The following TDO2 variants were observed in gnomAD, a reference collection of about 807,000 sequenced individuals.
TDO2 encodes tryptamin 2,3-dioxygenase.
TDO2 carries 63 observed loss-of-function variants against 61.2 expected under a neutral mutation model. That is an observed-to-expected ratio of 1.03 (90% confidence interval 0.84 to 1.27). The LOEUF (loss-of-function observed/expected upper bound fraction) is 1.27, where lower values mean the gene tolerates loss of function less well. TDO2 is among the 50% of genes most tolerant of loss of function. TDO2 has a pLI of 0.00. For missense variants in TDO2, 494 were observed against 469.5 expected, an observed-to-expected ratio of 1.05 and a Z score of -0.48; for synonymous variants, 183 against 164.0, an observed-to-expected ratio of 1.12 and a Z score of -0.89.
At chr4:155,907,910 A>G in intron 4 of TDO2, 118 bp downstream of exon 4, 1 of 695,556 alleles carries the variant, frequency 1.4e-6, no homozygotes, top group Non-Finnish European at 2.4e-6. Flanking sequence ...ATGATAGAAC[A>G]AACAGACATT....
At chr4:155,915,108 A>T (rs561164812) in intron 8 of TDO2, among the ~76,000 whole-genome samples, 2 of 152,238 alleles carry the variant, frequency 1.3e-5, no homozygotes. Flanking sequence ...ATTAGTACTG[A>T]GCTGTTAGTT....
chr4:155,904,060 CA>C lies in TDO2; in HGVS notation c.81del (p.Lys27AsnfsTer6). On this transcript the variant is annotated frameshift_variant, in exon 2 of 12. Transcript: ENST00000536354. LOFTEE classifies it high-confidence loss of function. ...TCCCCGTAGAAGGCAGCGAAGAAGACAAATCACAAACTGGTGTGAATAGAGC... is the reference window on the plus strand; with the variant it reads ...TCCCCGTAGAAGGCAGCGAAGAAGACAATCACAAACTGGTGTGAATAGAGC... ...KLPVEGSEEDKSQTGVNRASK... is the reference protein window; with the variant it reads ...KLPVEGSEEDXSQTGVNRASK... 1 of 1,614,026 alleles carries C rather than the reference CA, an allele frequency of 6.2e-7. No individual in the cohort carries two copies. Among genetic ancestry groups the C allele is most frequent in the Non-Finnish European group, 8.5e-7 (1 of 1,179,974 alleles).
intron 4 of TDO2, among the ~76,000 whole-genome samples, chr4:155,907,994 T>C (rs1742751420): frequency 6.6e-6 from 1 of 152,232 alleles, no homozygotes; most frequent in South Asian, 2.1e-4. Context: ...TAAGGTTCCT[T>C]TCAAATTTCA....
At chr4:155,917,209 G>T (rs1742956461) in intron 9 of TDO2, among the ~76,000 whole-genome samples, 186 bp from the exon 10 acceptor site, 5 of 152,134 alleles carry the variant, frequency 3.3e-5, no homozygotes, top group Admixed American at 3.3e-4. Context: ...ACTGCAAGTT[G>T]AGTAGTATTA....
chr4:155,910,291 CGT>C (rs1742807219), intron 6 of TDO2, 80 bp downstream of exon 6: 6 of 1,118,598 alleles, frequency 5.4e-6, no homozygotes, highest in East Asian at 2.9e-5. Context: ...ATTTTAAAAA[CGT>C]ATATCGAAAC....
intron 9 of TDO2, 143 bp downstream of exon 9, chr4:155,916,055 G>A (rs963887917): frequency 1.4e-5 from 9 of 625,018 alleles, no homozygotes; most frequent in Non-Finnish European, 2.3e-5. Context: ...AATTAGTAAT[G>A]AAGTTTTATG....
At chr4:155,909,084 A>T in intron 5 of TDO2, 70 bp downstream of exon 5, 1 of 1,464,482 alleles carries the variant, frequency 6.8e-7, no homozygotes, top group Non-Finnish European at 9.1e-7. Flanking sequence ...TAAAAGCAGC[A>T]TGTGTGTGTT....
chr4:155,917,495 C>G (rs1742964673), intron 10 of TDO2, 21 bp downstream of exon 10: 2 of 1,585,718 alleles, frequency 1.3e-6, no homozygotes, highest in Non-Finnish European at 1.7e-6. Context: ...CCCACTCACC[C>G]CATGTTGCTT....
intron 8 of TDO2, among the ~76,000 whole-genome samples, chr4:155,915,511 A>G (rs909597962): frequency 5.3e-5 from 8 of 152,308 alleles, no homozygotes; most frequent in Middle Eastern, 3.4e-3. Context: ...ACACATCACT[A>G]CTTTTTTGAA....
Position 155,920,066 on chromosome 4 carries a change from G to A in TDO2, c.*76G>A. 7.1e-7 allele frequency: 1 copy of A among 1,414,716 alleles called. No homozygotes were observed. The highest frequency in any genetic ancestry group is 9.9e-7 in the Non-Finnish European group (1 of 1,011,818). The allele number at this position is 1,414,716 out of a possible 1,614,324, so 87.6% of individuals were successfully genotyped here. On this transcript the variant is annotated 3_prime_UTR_variant, in exon 12 of 12. Transcript: ENST00000536354. The stretch of plus-strand genomic sequence containing the variant: ...TTTTCTATGGATTTTCATAAATACA[G>A]TTTGAATATATGTATGCATATATTG...
chr4:155,916,151 TTAA>T, intron 9 of TDO2, among the ~76,000 whole-genome samples: 1 of 146,902 alleles, frequency 6.8e-6, no homozygotes, highest in Admixed American at 7.1e-5. Flanking sequence ...ACTACACAAA[TTAA>T]TCAAATATCC....
chr4:155,916,040 A>AAGAT, intron 9 of TDO2, 128 bp downstream of exon 9: 1 of 754,902 alleles, frequency 1.3e-6, no homozygotes, highest in Non-Finnish European at 2.0e-6. Context: ...GAAAACTTGG[A>AAGAT]AGATAATTAG....
chr4:155,914,634 C>T (rs1349533504), intron 8 of TDO2, among the ~76,000 whole-genome samples, 200 bp downstream of exon 8: 2 of 151,928 alleles, frequency 1.3e-5, no homozygotes, highest in Admixed American at 6.6e-5. Flanking sequence ...ATTTGAAAAA[C>T]ATTAGAAAAA....
At chr4:155,916,145 CACAA>C in intron 9 of TDO2, among the ~76,000 whole-genome samples, 1 of 145,348 alleles carries the variant, frequency 6.9e-6, no homozygotes, top group Admixed American at 7.0e-5. Flanking sequence ...TTAAACACTA[CACAA>C]ATTAATCAAA....
At position 155,908,959 on chromosome 4, in the gene TDO2, G is replaced by C. The variant is rs1352534668; in HGVS notation, c.376G>C (p.Val126Leu). 1.2e-5 allele frequency: 19 copies of C among 1,613,094 alleles called. No individual in the cohort carries two copies. The highest frequency in any genetic ancestry group is 5.5e-5 in the South Asian group (5 of 90,924). ...HRVSVILKLL[V>L]QQFSILETMT... ...AGTGTCAGTGATCCTGAAACTGCTG[G>C]TGCAGCAGTTTTCCATTCTGGAGAC... is the stretch of plus-strand genomic sequence containing the variant. The change falls in exon 5 of 12, where the codon GTG (valine) becomes CTG (leucine). Residue 126 changes from valine (V) to leucine (L), a missense_variant. Coordinates refer to ENST00000536354, the MANE Select transcript of TDO2 (RefSeq NM_005651.4).
In TDO2 at chr4:155,914,388, A is replaced by G; in HGVS notation, c.792A>G (p.Leu264=). Residue 264 remains leucine, a synonymous_variant, in exon 8 of 12, where the codon CTA becomes CTG. Coordinates refer to ENST00000536354, the MANE Select transcript of TDO2 (RefSeq NM_005651.4). ...VAEFQKQKEV[L]LSLFDEKRHE... ...AATTTCAGAAGCAAAAAGAGGTGCT[A>G]CTGTCCTTATTTGATGAGAAACGTC... The G allele has an allele frequency of 6.2e-7, 1 of 1,606,018 alleles. No homozygotes were observed. The highest frequency in any genetic ancestry group is 8.5e-7 in the Non-Finnish European group (1 of 1,177,982).
chr4:155,915,801 T>A, intron 8 of TDO2, 54 bp from the exon 9 acceptor site: 2 of 1,493,254 alleles, frequency 1.3e-6, no homozygotes, highest in Non-Finnish European at 1.8e-6. Context: ...GCCAAATTAA[T>A]ACAAAATTAC....
chr4:155,905,037 T>C (rs1742694089), intron 2 of TDO2, 30 bp from the exon 3 acceptor site: 1 of 1,510,116 alleles, frequency 6.6e-7, no homozygotes, highest in South Asian at 1.3e-5. Flanking sequence ...TTCTGCAATT[T>C]CAGACAGGCT....
rs189912152 is a variant in TDO2 at position 155,912,628 on chromosome 4, G to T, written c.726+1024G>T. 4.3e-3 allele frequency among the ~76,000 whole-genome samples: 648 copies of T among 152,110 alleles called. 3 individuals are homozygous for T. The highest frequency in any genetic ancestry group is 0.015 in the African/African-American group (619 of 41,530). ...TTCTCTCTCAGACCAATAAATGGTAGAGTTTTGTAGTCCATTGGCTTAGAT... is the reference window on the plus strand; with the variant it reads ...TTCTCTCTCAGACCAATAAATGGTATAGTTTTGTAGTCCATTGGCTTAGAT... On this transcript the variant is annotated intron_variant, in intron 7 of 11. Coordinates refer to ENST00000536354, the MANE Select transcript of TDO2 (RefSeq NM_005651.4).
Sources: gnomAD v4.1 joint callset for allele counts (sites outside exome capture counted in the v4.1 genomes callset) on GRCh38, gnomAD v4.1.1 for gene constraint, MANE v1.5 for transcripts, NCBI Gene and HGNC (gene_info 2026-07-23, HGNC 2026-07-21) for gene names.